The following TTC12 variants were observed in gnomAD, a reference collection of about 807,000 sequenced individuals.
TTC12 encodes tetratricopeptide repeat protein 12.
Under a neutral mutation model 90.1 loss-of-function variants are expected in TTC12, and 70 were observed. The observed-to-expected ratio is 0.78, with a 90% CI of 0.64 to 0.95. The LOEUF (loss-of-function observed/expected upper bound fraction) is 0.95, where lower values mean the gene tolerates loss of function less well. Among genes scored for constraint, TTC12 ranks in the 40% least tolerant of loss-of-function variants. TTC12 has a pLI of 0.00. For synonymous variants in TTC12, 296 were observed against 311.5 expected (o/e 0.95, Z 0.53); for missense variants, 819 against 846.1 (o/e 0.97, Z 0.40).
chr11:113,337,833 G>T (rs1168577601), intron 8 of TTC12, among the ~76,000 whole-genome samples: 1 of 152,010 alleles, frequency 6.6e-6, no homozygotes. Flanking sequence ...GGTGGTGATG[G>T]AGGTGGTAAG....
Position 113,340,532 on chromosome 11 carries a change from T to G in TTC12, c.827-132T>G, listed in dbSNP as rs150736918. On this transcript the variant is annotated intron_variant, in intron 10 of 21. Coordinates refer to ENST00000529221, the MANE Select transcript of TTC12 (RefSeq NM_017868.4). ...GTTTCAAAATGTAAAGTTCATTTGTTCCTGCCAAACCATTCACGTGGGTAC... is the reference window on the plus strand; with the variant it reads ...GTTTCAAAATGTAAAGTTCATTTGTGCCTGCCAAACCATTCACGTGGGTAC... 231 of 678,876 alleles carry G rather than the reference T, an allele frequency of 3.4e-4. 1 individual carries two copies. The African/African-American group carries it at 3.9e-3, about 11-fold the overall frequency. The allele number at this position is 678,876 out of a possible 1,614,324, so 42.1% of individuals were successfully genotyped here.
In TTC12 at chr11:113,324,633, T is replaced by C. The variant is rs1555140255; in HGVS notation, c.273T>C (p.Asp91=). ...SEAFLASVEK[D]AKERAKRRRE... ...CCTTCTTGGCATCTGTGGAGAAGGATGCAAAGGAACGAGCCAAGAGAAGAA... is the reference window on the plus strand; with the variant it reads ...CCTTCTTGGCATCTGTGGAGAAGGACGCAAAGGAACGAGCCAAGAGAAGAA... Residue 91 remains aspartate (D), a synonymous_variant, in exon 5 of 22, where the codon GAT becomes GAC. Transcript: ENST00000529221. 3 of 1,614,018 alleles carry C rather than the reference T, an allele frequency of 1.9e-6. No individual in the cohort carries two copies. Among genetic ancestry groups the C allele is most frequent in the African/African-American group, 1.3e-5 (1 of 75,024 alleles).
chr11:113,326,750 G>C (rs781821792), intron 6 of TTC12, among the ~76,000 whole-genome samples: 28 of 152,214 alleles, frequency 1.8e-4, no homozygotes, highest in Non-Finnish European at 3.8e-4. Context: ...CGGTAAAAAA[G>C]ATGGCCAGAG....
Position 113,353,538 on chromosome 11 carries a change from G to A in TTC12, c.1446+1331G>A, listed in dbSNP as rs115797396. 6.1e-3 allele frequency among the ~76,000 whole-genome samples: 929 copies of A among 152,144 alleles called. 13 individuals are homozygous for A. Among genetic ancestry groups the A allele is most frequent in the African/African-American group, 0.021 (883 of 41,506 alleles). On this transcript the variant is annotated intron_variant, in intron 16 of 21. Coordinates refer to ENST00000529221, the MANE Select transcript of TTC12 (RefSeq NM_017868.4). Reference sequence around the variant, plus strand: ...TGTCTTTGTCATGAAATCTTTGCTCGTTCCTGTGTGTAGAATGGTATTGCC... The same window carrying A: ...TGTCTTTGTCATGAAATCTTTGCTCATTCCTGTGTGTAGAATGGTATTGCC...
rs189196595 is a variant in TTC12 at position 113,320,418 on chromosome 11, G to A, written c.59-2870G>A. On this transcript the variant is annotated intron_variant, in intron 2 of 21. Coordinates refer to ENST00000529221, the MANE Select transcript of TTC12 (RefSeq NM_017868.4). ...AGTAGAGAAAAGAGGAGGAATGTCT[G>A]AACGCCGAGAGGAGTTTGGCTGGGA... Among the ~76,000 whole-genome samples the A allele has an allele frequency of 4.9e-4, 74 of 152,226 alleles. 1 individual carries two copies. The highest frequency in any genetic ancestry group is 1.7e-3 in the African/African-American group (71 of 41,548).
rs781866119 is a variant in TTC12, at chr11:113,338,760, T to G, written c.577-14T>G. 1.2e-6 allele frequency: 2 copies of G among 1,611,248 alleles called. No homozygotes were observed. The highest frequency in any genetic ancestry group is 1.7e-6 in the Non-Finnish European group (2 of 1,177,666). ...ACCCCAACCACTCTTCAAGGTCTTG[T>G]TTCTTTTTTCCAGTCTAGAGAGTGT... On this transcript the variant is annotated splice_polypyrimidine_tract_variant and intron_variant, in intron 8 of 21. Transcript: ENST00000529221.
At chr11:113,367,850 C>CTG (rs200576273), downstream of TTC12, among the ~76,000 whole-genome samples, 17 of 105,064 alleles carry the variant, frequency 1.6e-4, no homozygotes, top group African/African-American at 5.8e-4. Flanking sequence ...TGACAGGCCA[C>CTG]TAGCCAGGAC....
chr11:113,360,508 T>C (rs1555154504), intron 18 of TTC12, among the ~76,000 whole-genome samples: 1 of 152,208 alleles, frequency 6.6e-6, no homozygotes, highest in Non-Finnish European at 1.5e-5. Flanking sequence ...CTGAAATGGC[T>C]TTCTCAATTC....
intron 16 of TTC12, among the ~76,000 whole-genome samples, chr11:113,353,820 A>T (rs1436401191): frequency 6.6e-6 from 1 of 152,126 alleles, no homozygotes; most frequent in African/African-American, 2.4e-5. Flanking sequence ...CCATTGGTCC[A>T]TGTGTCTGTT....
At chr11:113,343,665 A>G (rs989841841) in intron 12 of TTC12, among the ~76,000 whole-genome samples, 8 of 152,150 alleles carry the variant, frequency 5.3e-5, no homozygotes, top group African/African-American at 1.9e-4. Flanking sequence ...TTAGCCTCAT[A>G]CTGCAGTCTG....
In TTC12 at chr11:113,316,760, G is replaced by C. The variant is rs1946964486; in HGVS notation, c.58+445G>C. 1.3e-5 allele frequency among the ~76,000 whole-genome samples: 2 copies of C among 152,236 alleles called. 1 individual carries two copies. Among genetic ancestry groups the C allele is most frequent in the South Asian group, 4.1e-4 (2 of 4,832 alleles). On this transcript the variant is annotated intron_variant, in intron 2 of 21. Transcript: ENST00000529221. ...CCTTTAGGATCCATCAAATTACATG[G>C]ATGGTTTATGATCATCATTCCCTTC...
intron 19 of TTC12, 22 bp from the exon 20 acceptor site, chr11:113,363,806 C>A: frequency 6.4e-7 from 1 of 1,552,762 alleles, no homozygotes; most frequent in Admixed American, 1.7e-5. Context: ...TTTTATTTTT[C>A]TAATTTCATT....
intron 6 of TTC12, among the ~76,000 whole-genome samples, chr11:113,327,151 C>T (rs559351117): frequency 6.6e-6 from 1 of 152,300 alleles, no homozygotes; most frequent in East Asian, 1.9e-4. Flanking sequence ...TACTCTGATT[C>T]ATCTAAATTA....
intron 21 of TTC12, among the ~76,000 whole-genome samples, chr11:113,372,572 T>C (rs965226459): frequency 1.3e-5 from 2 of 152,236 alleles, no homozygotes; most frequent in African/African-American, 4.8e-5. Flanking sequence ...CTTTAACTAT[T>C]GTAGGCTATA....
intron 13 of TTC12, among the ~76,000 whole-genome samples, chr11:113,348,681 A>G (rs1483972200): frequency 6.6e-6 from 1 of 152,232 alleles, no homozygotes; most frequent in African/African-American, 2.4e-5. Context: ...AATGGCTAGG[A>G]ATCACATGAG....
In TTC12 at chr11:113,341,866, T is replaced by C; in HGVS notation, c.926T>C (p.Val309Ala). ...TTTTCCACAGCAGGAAATGATGCAG[T>C]TGAAGAAATGGTCTGTGTGTCTGTT... ...RCFSTAGNDA[V>A]EEMVCVSVLK... The change falls in exon 12 of 22, where the codon GTT (valine) becomes GCT (alanine). Residue 309 changes from valine (V) to alanine (A), a missense_variant. Physicochemically the swap from Val to Ala is moderately conservative, Grantham distance 64 (BLOSUM62 0). Coordinates refer to ENST00000529221, the MANE Select transcript of TTC12 (RefSeq NM_017868.4). 1 of 1,614,198 alleles carries C rather than the reference T, an allele frequency of 6.2e-7. No homozygotes were observed. The highest frequency in any genetic ancestry group is 8.5e-7 in the Non-Finnish European group (1 of 1,180,014).
At chr11:113,341,725 T>C (rs1376940881) in intron 11 of TTC12, 112 bp from the exon 12 acceptor site, 2 of 844,044 alleles carry the variant, frequency 2.4e-6, no homozygotes, top group East Asian at 2.4e-5. Flanking sequence ...TATAAAACTA[T>C]ACTTTCTCAA....
At chr11:113,344,558 G>C (rs782512210) in intron 13 of TTC12, 118 bp downstream of exon 13, 2 of 1,106,178 alleles carry the variant, frequency 1.8e-6, no homozygotes, top group Non-Finnish European at 2.6e-6. Context: ...ATAACAGAAA[G>C]AGCCTTTGAC....
intron 2 of TTC12, among the ~76,000 whole-genome samples, chr11:113,322,239 A>G (rs1274984219): frequency 6.6e-6 from 1 of 152,242 alleles, no homozygotes; most frequent in East Asian, 1.9e-4. Context: ...GGGAGGAGAC[A>G]GAGCATTAGG....
Sources: allele counts gnomAD v4.1 joint callset (sites outside exome capture counted in the v4.1 genomes callset), GRCh38; gene constraint gnomAD v4.1.1; transcripts MANE v1.5; gene names NCBI Gene and HGNC (gene_info 2026-07-23, HGNC 2026-07-21).